NCAPG2: variants seen among roughly 807,000 people sequenced by gnomAD.
NCAPG2 encodes non-SMC condensin II complex subunit G2.
A neutral mutation model predicts 141.1 loss-of-function variants in NCAPG2; 53 were observed. The observed-to-expected ratio is 0.38, with a 90% CI of 0.30 to 0.47. The LOEUF is 0.47. Among genes scored for constraint, NCAPG2 ranks in the 20% least tolerant of loss-of-function variants. The pLI is 0.99. For synonymous variants in NCAPG2, 499 were observed against 490.7 expected (o/e 1.02, Z -0.22); for missense variants, 1,087 against 1,389.0 (o/e 0.78, Z 3.46).
chr7:158,697,772 T>A (rs1318644565), intron 2 of NCAPG2, among the ~76,000 whole-genome samples: 1 of 152,038 alleles, frequency 6.6e-6, no homozygotes. Context: ...AAAAAAAGAA[T>A]GAGATCAAGT....
intron 17 of NCAPG2, among the ~76,000 whole-genome samples, 189 bp downstream of exon 17, chr7:158,658,149 T>TAAA (rs11444440): frequency 1.0e-5 from 1 of 97,492 alleles, no homozygotes; most frequent in Non-Finnish European, 2.2e-5. Context: ...GAATGATCAA[T>TAAA]AAAAAAAAAA....
At chr7:158,637,973 G>A (rs572848171) in intron 27 of NCAPG2, among the ~76,000 whole-genome samples, 13 of 152,098 alleles carry the variant, frequency 8.5e-5, no homozygotes, top group South Asian at 4.2e-4. Context: ...GTGAAACTCC[G>A]TCTCTACTAA....
intron 13 of NCAPG2, among the ~76,000 whole-genome samples, chr7:158,669,040 C>A (rs913544156): frequency 1.3e-5 from 2 of 152,198 alleles, no homozygotes; most frequent in African/African-American, 4.8e-5. Context: ...TCTGTTCCTG[C>A]GTTTGTTTGC....
chr7:158,680,986 T>A (rs1273098857), intron 9 of NCAPG2, among the ~76,000 whole-genome samples, 170 bp from the exon 10 acceptor site: 1 of 152,202 alleles, frequency 6.6e-6, no homozygotes, highest in Non-Finnish European at 1.5e-5. Flanking sequence ...TCAATGGATA[T>A]AGGACAGTAG....
At position 158,686,202 on chromosome 7, in the gene NCAPG2, A is replaced by T; in HGVS notation, c.807T>A (p.Ala269=). The change falls in exon 8 of 28, where the codon GCT becomes GCA. Residue 269 remains alanine (A), a synonymous_variant. Coordinates refer to ENST00000356309, the MANE Select transcript of NCAPG2 (RefSeq NM_017760.7). ...GTATTTTCCCTGAAGCCTTTTTCCA[A>T]GCTCTGAAATAAATTTCTGCAATGT... ...MVYIAEIYFR[A]WKKASGKILE... The T allele has an allele frequency of 1.3e-6, 2 of 1,580,166 alleles. No homozygotes were observed. Among genetic ancestry groups the T allele is most frequent in the Non-Finnish European group, 1.7e-6 (2 of 1,163,608 alleles).
intron 23 of NCAPG2, among the ~76,000 whole-genome samples, chr7:158,652,073 C>T (rs914927113): frequency 1.3e-5 from 2 of 152,128 alleles, no homozygotes; most frequent in Non-Finnish European, 2.9e-5. Context: ...TGCCTCCAGC[C>T]CATGCACAGG....
At chr7:158,663,379 T>C (rs1019194295) in intron 15 of NCAPG2, among the ~76,000 whole-genome samples, 5 of 152,248 alleles carry the variant, frequency 3.3e-5, no homozygotes, top group African/African-American at 4.8e-5. Flanking sequence ...TCCACATCTA[T>C]TTCCTGTATG....
At position 158,654,645 on chromosome 7, in the gene NCAPG2, T is replaced by C. The variant is rs200062794; in HGVS notation, c.2696A>G (p.His899Arg). 10 of 1,614,168 alleles carry C rather than the reference T, an allele frequency of 6.2e-6. No individual in the cohort carries two copies. Among genetic ancestry groups the C allele is most frequent in the African/African-American group, 1.3e-5 (1 of 75,062 alleles). ...KDVVMVGLGD[H>R]QFQMQLLQRS... Reference sequence around the variant, plus strand: ...CTGTAAGAGTTGCATCTGAAACTGATGGTCACCAAGGCCTACCATAACAAC... The same window carrying C: ...CTGTAAGAGTTGCATCTGAAACTGACGGTCACCAAGGCCTACCATAACAAC... Residue 899 changes from histidine to arginine, a missense_variant, in exon 22 of 28, where the codon CAT becomes CGT. By Grantham distance (29) the His-to-Arg change is conservative (BLOSUM62 0). Coordinates refer to ENST00000356309, the MANE Select transcript of NCAPG2 (RefSeq NM_017760.7).
chr7:158,682,912 A>G (rs1183571103), intron 9 of NCAPG2, among the ~76,000 whole-genome samples: 2 of 152,232 alleles, frequency 1.3e-5, no homozygotes, highest in African/African-American at 4.8e-5. Flanking sequence ...CAAAAGAAAC[A>G]ATCAAAACAT....
At chr7:158,683,484 T>C (rs1019614766) in intron 8 of NCAPG2, 98 bp from the exon 9 acceptor site, 11 of 685,944 alleles carry the variant, frequency 1.6e-5, no homozygotes, top group African/African-American at 1.1e-4. Flanking sequence ...GTCTGACCTG[T>C]CCATCTTATA....
chr7:158,686,137 A>G (rs781681327), intron 8 of NCAPG2, 35 bp downstream of exon 8: 1 of 1,269,054 alleles, frequency 7.9e-7, no homozygotes, highest in East Asian at 2.5e-5. Flanking sequence ...AAATATAATA[A>G]AAATAAGTGT....
chr7:158,680,106 T>C, intron 10 of NCAPG2, 21 bp from the exon 11 acceptor site: 1 of 1,609,802 alleles, frequency 6.2e-7, no homozygotes, highest in South Asian at 1.1e-5. Context: ...AAAAGAAGAG[T>C]ATCTCAGAAT....
intron 8 of NCAPG2, 41 bp from the exon 9 acceptor site, chr7:158,683,427 T>A (rs371396969): frequency 3.1e-5 from 46 of 1,470,284 alleles, no homozygotes; most frequent in Non-Finnish European, 4.0e-5. Flanking sequence ...GGTGTGTGTG[T>A]GTCCTACTGA....
At chr7:158,683,182 T>C in intron 9 of NCAPG2, 118 bp downstream of exon 9, 3 of 824,118 alleles carry the variant, frequency 3.6e-6, no homozygotes, top group Non-Finnish European at 5.4e-6. Context: ...ATCAAGGTTC[T>C]GAGAAATCCC....
chr7:158,652,532 A>C, intron 22 of NCAPG2, 52 bp from the exon 23 acceptor site: 1 of 1,347,630 alleles, frequency 7.4e-7, no homozygotes. Flanking sequence ...AGTTTGTTGA[A>C]ATCATTACAC....
rs77940756 is a variant in NCAPG2 at position 158,700,809 on chromosome 7, T to C, written c.78+1013A>G. Among the ~76,000 whole-genome samples, 736 of 152,324 alleles carry C rather than the reference T, an allele frequency of 4.8e-3. 41 individuals are homozygous for C. In the East Asian group the frequency reaches 0.11, roughly 24 times the overall value. Reference sequence around the variant, plus strand: ...ATAATAAGAACAAGTGAGACAAGTGTGCCAAGGGTCTCCTGCCCCAAAGAT... The same window carrying C: ...ATAATAAGAACAAGTGAGACAAGTGCGCCAAGGGTCTCCTGCCCCAAAGAT... On this transcript the variant is annotated intron_variant, in intron 2 of 27. Transcript: ENST00000356309.
At chr7:158,641,557 TG>T (rs922474398) in intron 27 of NCAPG2, 3 of 614,136 alleles carry the variant, frequency 4.9e-6, no homozygotes, top group South Asian at 1.9e-5. Context: ...CCTCATATCT[TG>T]GAAAAAAAAA....
intron 13 of NCAPG2, among the ~76,000 whole-genome samples, chr7:158,669,800 A>ACATGCTT (rs1452320128): frequency 1.3e-5 from 2 of 148,342 alleles, no homozygotes; most frequent in Non-Finnish European, 3.0e-5. Context: ...AAAAAAATTG[A>ACATGCTT]CATGCTTACT....
chr7:158,667,329 G>GCCCCCCCTTACCCA, intron 13 of NCAPG2: 1 of 194,400 alleles, frequency 5.1e-6, no homozygotes, highest in African/African-American at 8.3e-5. Context: ...GTGTCCCTCC[G>GCCCCCCCTTACCCA]CTACTGTGTC....
Sources: gnomAD v4.1 joint callset for allele counts (sites outside exome capture counted in the v4.1 genomes callset) on GRCh38, gnomAD v4.1.1 for gene constraint, MANE v1.5 for transcripts, NCBI Gene and HGNC (gene_info 2026-07-23, HGNC 2026-07-21) for gene names.